SUCO: variants seen among roughly 807,000 people sequenced by gnomAD.
SUCO encodes SUN domain-containing ossification factor.
In SUCO, 57 loss-of-function variants were observed where a neutral mutation model predicts 148.1. The observed-to-expected ratio is 0.38, with a 90% CI of 0.31 to 0.48. SUCO has a LOEUF of 0.48. SUCO is among the 20% of genes least tolerant of loss of function. SUCO has a pLI of 0.96. For missense variants in SUCO, 1,331 were observed against 1,468.2 expected, an observed-to-expected ratio of 0.91 and a Z score of 1.53; for synonymous variants, 470 against 502.7, an observed-to-expected ratio of 0.93 and a Z score of 0.87.
rs763049123 is a variant in SUCO, at chr1:172,588,887, C to T, written c.1786C>T (p.Leu596=). Residue 596 remains leucine, a synonymous_variant, in exon 18 of 24, where the codon CTG becomes TTG. Transcript: ENST00000263688. The part of the protein sequence containing the change: ...EEASPSTVTL[L]GSGEQEDESS... ...GGCAAGTCCATCTACAGTGACCCTT[C>T]TGGGCAGCGGTGAACAGGAAGATGA... is the stretch of plus-strand genomic sequence containing the variant. The T allele has an allele frequency of 8.1e-6, 13 of 1,613,466 alleles. No individual in the cohort carries two copies. The highest frequency in any genetic ancestry group is 1.1e-5 in the Non-Finnish European group (13 of 1,179,736).
intron 3 of SUCO, 73 bp from the exon 4 acceptor site, chr1:172,555,795 TA>T: frequency 8.4e-7 from 1 of 1,188,660 alleles, no homozygotes; most frequent in Non-Finnish European, 1.1e-6. Context: ...ATGCTTTCCA[TA>T]AATGCCCGTT....
intron 3 of SUCO, chr1:172,555,316 G>A: frequency 1.2e-6 from 1 of 843,326 alleles, no homozygotes; most frequent in Non-Finnish European, 1.4e-6. Context: ...GGAGGAGGAG[G>A]TGCTGATAGA....
intron 1 of SUCO, among the ~76,000 whole-genome samples, 153 bp from the exon 2 acceptor site, chr1:172,551,359 T>TTAATTGTTAAC (rs1653283007): frequency 1.3e-5 from 2 of 152,114 alleles, no homozygotes; most frequent in Non-Finnish European, 2.9e-5. Context: ...TTGATTTTCG[T>TTAATTGTTAAC]CATTAAATTG....
chr1:172,579,220 A>G lies in SUCO; in HGVS notation c.1451A>G (p.Asn484Ser). 2 of 1,595,654 alleles carry G rather than the reference A, an allele frequency of 1.3e-6. 1 individual carries two copies. Among genetic ancestry groups the G allele is most frequent in the East Asian group, 4.5e-5 (2 of 44,584 alleles). The change falls in exon 15 of 24, where the codon AAT becomes AGT. Residue 484 changes from asparagine (N) to serine (S), a missense_variant. Around this residue, in one of 3 missense-constraint regions of SUCO, gnomAD observed 992 missense variants for 1,093.5 expected, o/e 0.91. Transcript: ENST00000263688. Reference sequence around the variant, plus strand: ...TTAACAGATTATCCACTGGATTATAATACTGGAGAGGATAAATCCTCAAAA... The same window carrying G: ...TTAACAGATTATCCACTGGATTATAGTACTGGAGAGGATAAATCCTCAAAA... ...DEDYDYPLDY[N>S]TGEDKSSKNL... is the part of the protein sequence containing the mutation.
In SUCO at chr1:172,572,270, G is replaced by A. The variant is rs534201015; in HGVS notation, c.1049+1540G>A. Among the ~76,000 whole-genome samples, 377 of 151,618 alleles carry A rather than the reference G, an allele frequency of 2.5e-3. 2 individuals carry two copies. The South Asian group carries it at 0.028, about 11-fold the overall frequency. On this transcript the variant is annotated intron_variant, in intron 9 of 23. Coordinates refer to ENST00000263688, the MANE Select transcript of SUCO (RefSeq NM_014283.5). ...TGTGGAATAGAAAGGGGGGAAGGGC[G>A]GGGAAAGGATTGAGAAATCGGATGG... is the stretch of plus-strand genomic sequence containing the variant.
rs1558195441 is a variant in SUCO, at chr1:172,577,817, A to T, written c.1338A>T (p.Ile446=). The T allele has an allele frequency of 6.2e-7, 1 of 1,606,778 alleles. No homozygotes were observed. The change falls in exon 13 of 24, where the codon ATA becomes ATT. Residue 446 remains isoleucine (I), a splice_region_variant and synonymous_variant. Transcript: ENST00000263688. ...GSEHFCPLSL[I]RVFGTSMVEE... The stretch of plus-strand genomic sequence containing the variant: ...AGCACTTTTGTCCATTAAGCCTTAT[A>T]AGGTAATGCAGAACAAAATACATTT...
rs1655615894 is a variant in SUCO at position 172,578,373 on chromosome 1, A to G, written c.1416A>G (p.Leu472=). ...AGTATCACTCAGAACGCCAGGAACT[A>G]TTTGATGAGGACTATGGTAAGTGAC... ...DSQYHSERQE[L]FDEDYDYPLD... The change falls in exon 14 of 24, where the codon CTA becomes CTG. Residue 472 remains leucine (L), a synonymous_variant. Transcript: ENST00000263688. The G allele has an allele frequency of 1.2e-6, 2 of 1,612,194 alleles. No individual in the cohort carries two copies. Among genetic ancestry groups the G allele is most frequent in the East Asian group, 4.5e-5 (2 of 44,792 alleles).
chr1:172,575,661 A>C, intron 11 of SUCO, 38 bp downstream of exon 11: 1 of 1,400,304 alleles, frequency 7.1e-7, no homozygotes. Context: ...TCTATAATGA[A>C]AATATACGTG....
intron 22 of SUCO, chr1:172,608,374 A>T (rs1299201038): frequency 8.8e-6 from 2 of 226,360 alleles, no homozygotes; most frequent in Non-Finnish European, 8.5e-6. Flanking sequence ...GAAGTATTCA[A>T]ATGATCTGTA....
chr1:172,608,612 G>T, intron 22 of SUCO, 135 bp from the exon 23 acceptor site: 1 of 726,820 alleles, frequency 1.4e-6, no homozygotes, highest in Non-Finnish European at 2.4e-6. Context: ...TAGTTAACCT[G>T]ATACAAATTC....
intron 18 of SUCO, chr1:172,590,471 G>A (rs1339265080): frequency 2.0e-6 from 1 of 510,944 alleles, no homozygotes; most frequent in East Asian, 1.5e-4. Flanking sequence ...TAAGACACCA[G>A]GCCTGGCTTT....
At chr1:172,546,847 C>A (rs1344492983) in intron 1 of SUCO, among the ~76,000 whole-genome samples, 1 of 152,180 alleles carries the variant, frequency 6.6e-6, no homozygotes, top group Non-Finnish European at 1.5e-5. Context: ...AAGGGGGAGG[C>A]CGCAGTGAGC....
upstream of SUCO, chr1:172,532,501 T>C: frequency 6.2e-7 from 1 of 1,613,556 alleles, no homozygotes; most frequent in Non-Finnish European, 8.5e-7. Flanking sequence ...CGCCCCTTTC[T>C]ATCTACCAAT....
intron 18 of SUCO, 58 bp downstream of exon 18, chr1:172,589,984 A>T: frequency 7.4e-7 from 1 of 1,354,360 alleles, no homozygotes; most frequent in Non-Finnish European, 9.8e-7. Context: ...AGCAGCATAG[A>T]GTATGACCTG....
At chr1:172,587,590 T>A (rs1392649630) in intron 17 of SUCO, among the ~76,000 whole-genome samples, 1 of 152,142 alleles carries the variant, frequency 6.6e-6, no homozygotes, top group Non-Finnish European at 1.5e-5. Flanking sequence ...TATATATGGC[T>A]ATAAATATCT....
intron 9 of SUCO, among the ~76,000 whole-genome samples, chr1:172,571,326 G>A (rs1042883064): frequency 6.6e-6 from 1 of 152,246 alleles, no homozygotes; most frequent in Non-Finnish European, 1.5e-5. Flanking sequence ...CTCCCGAGGT[G>A]CCGGGATTGC....
At chr1:172,597,092 ACG>A (rs1657162577) in intron 19 of SUCO, among the ~76,000 whole-genome samples, 3 of 152,094 alleles carry the variant, frequency 2.0e-5, no homozygotes, top group Non-Finnish European at 4.4e-5. Flanking sequence ...CGAGCCATGC[ACG>A]GGATATAATC....
upstream of SUCO, chr1:172,532,955 C>T: frequency 3.3e-6 from 3 of 903,108 alleles, no homozygotes; most frequent in African/African-American, 1.8e-5. Flanking sequence ...CCGCCTGCGA[C>T]GTCGAAGGGG....
At chr1:172,581,977 C>T (rs534068018) in intron 15 of SUCO, among the ~76,000 whole-genome samples, 1 of 152,290 alleles carries the variant, frequency 6.6e-6, no homozygotes, top group East Asian at 1.9e-4. Context: ...GTATGGCTTC[C>T]TGATTCTTTT....
Sources: gnomAD v4.1 joint callset for allele counts (sites outside exome capture counted in the v4.1 genomes callset) on GRCh38, gnomAD v4.1.1 for gene constraint, gnomAD v4.1.1 regional missense constraint, MANE v1.5 for transcripts, NCBI Gene and HGNC (gene_info 2026-07-23, HGNC 2026-07-21) for gene names.